Variants in NTM observed in about 807,000 individuals in gnomAD.
NTM encodes neurotrimin.
A neutral mutation model predicts 42.1 loss-of-function variants in NTM; 13 were observed. That is an observed-to-expected ratio of 0.31 (90% CI 0.20 to 0.49). NTM has a LOEUF of 0.49. Among genes scored for constraint, NTM ranks in the 20% least tolerant of loss-of-function variants. The pLI is 0.99. For missense variants in NTM, 373 were observed against 452.8 expected (o/e 0.82, Z 1.60); for synonymous variants, 187 against 179.2 (o/e 1.04, Z -0.35).
intron 1 of NTM, among the ~76,000 whole-genome samples, chr11:131,418,565 G>A (rs1947179769): frequency 6.6e-6 from 1 of 152,210 alleles, no homozygotes; most frequent in African/African-American, 2.4e-5. Context: ...AGAGCAAGTG[G>A]TGGAGGCCGG....
In NTM at chr11:131,604,660, A is replaced by T. The variant is rs559062976; in HGVS notation, c.82+233772A>T. ...TCTAAAAGGTTTTTTTTTTTTTTTT[A>T]AATTTAGCTATTATGTCAAGGTCCA... On this transcript the variant is annotated intron_variant, in intron 1 of 8. Transcript: ENST00000683400. 1.5e-3 allele frequency among the ~76,000 whole-genome samples: 203 copies of T among 137,302 alleles called. 1 individual carries two copies. Among genetic ancestry groups the T allele is most frequent in the African/African-American group, 5.5e-3 (192 of 34,626 alleles). 90.1% of individuals were successfully genotyped at this position (137,302 alleles called of 152,430 possible).
intron 2 of NTM, among the ~76,000 whole-genome samples, chr11:132,102,007 AAGGT>A (rs890437758): frequency 6.6e-6 from 1 of 152,160 alleles, no homozygotes; most frequent in African/African-American, 2.4e-5. Context: ...ACACTGCTGG[AAGGT>A]AGAATTGCAA....
At chr11:131,944,277 T>C (rs1284288410) in intron 2 of NTM, among the ~76,000 whole-genome samples, 1 of 152,240 alleles carries the variant, frequency 6.6e-6, no homozygotes, top group Non-Finnish European at 1.5e-5. Context: ...AGTTATGTGC[T>C]GGGCTTTATT....
intron 1 of NTM, among the ~76,000 whole-genome samples, chr11:131,636,839 A>G (rs2064461370): frequency 1.3e-5 from 2 of 152,188 alleles, no homozygotes; most frequent in African/African-American, 4.8e-5. Flanking sequence ...GGCGAACACC[A>G]TGGGCACTAA....
intron 2 of NTM, among the ~76,000 whole-genome samples, chr11:132,043,895 G>T (rs985098310): frequency 1.3e-5 from 2 of 151,972 alleles, no homozygotes; most frequent in African/African-American, 4.8e-5. Flanking sequence ...GTTAAAGAAG[G>T]CCCAATCTTG....
intron 4 of NTM, among the ~76,000 whole-genome samples, chr11:132,264,698 A>G (rs563733791): frequency 6.6e-6 from 1 of 152,350 alleles, no homozygotes; most frequent in Admixed American, 6.5e-5. Flanking sequence ...GGCATATCAC[A>G]TGTGAAGACA....
At chr11:132,035,581 A>C (rs1410977069) in intron 2 of NTM, among the ~76,000 whole-genome samples, 1 of 152,218 alleles carries the variant, frequency 6.6e-6, no homozygotes, top group East Asian at 1.9e-4. Flanking sequence ...AAAGGTCTGC[A>C]GATTAAATGT....
At chr11:131,561,621 A>G (rs953381962) in intron 1 of NTM, among the ~76,000 whole-genome samples, 1 of 152,126 alleles carries the variant, frequency 6.6e-6, no homozygotes, top group Admixed American at 6.5e-5. Flanking sequence ...GAACTGGTCT[A>G]TTTTCATTCC....
intron 1 of NTM, among the ~76,000 whole-genome samples, chr11:131,705,355 G>A (rs1464792317): frequency 1.3e-5 from 2 of 152,094 alleles, no homozygotes; most frequent in East Asian, 3.9e-4. Context: ...ACACTGTCAA[G>A]CAAGAATACT....
chr11:131,810,870 C>T (rs2092704561), intron 1 of NTM, among the ~76,000 whole-genome samples: 1 of 152,170 alleles, frequency 6.6e-6, no homozygotes, highest in Non-Finnish European at 1.5e-5. Context: ...GCATGGGCAT[C>T]ATCTAGTCTA....
At chr11:132,328,480 T>G (rs2095731677) in intron 7 of NTM, among the ~76,000 whole-genome samples, 1 of 151,010 alleles carries the variant, frequency 6.6e-6, no homozygotes, top group South Asian at 2.1e-4. Flanking sequence ...AAGCTGAGGT[T>G]TTTTTGGGGG....
chr11:131,725,968 T>A (rs1384133562), intron 1 of NTM, among the ~76,000 whole-genome samples: 1 of 152,142 alleles, frequency 6.6e-6, no homozygotes, highest in Non-Finnish European at 1.5e-5. Flanking sequence ...TGGGGATGAT[T>A]CTGCTACCAG....
intron 3 of NTM, among the ~76,000 whole-genome samples, chr11:132,202,895 A>G (rs1242854335): frequency 5.9e-5 from 9 of 152,182 alleles, no homozygotes; most frequent in Non-Finnish European, 1.2e-4. Context: ...TCTAGCCAAC[A>G]TGAATGGTTT....
intron 3 of NTM, among the ~76,000 whole-genome samples, chr11:132,168,245 C>T (rs1488982024): frequency 6.6e-6 from 1 of 152,188 alleles, no homozygotes; most frequent in African/African-American, 2.4e-5. Flanking sequence ...CTCAGAAATA[C>T]ATCTAAAGAG....
chr11:132,033,424 A>G (rs183108491), intron 2 of NTM, among the ~76,000 whole-genome samples: 30 of 152,324 alleles, frequency 2.0e-4, no homozygotes, highest in Admixed American at 2.0e-3. Context: ...ATAAATTCCA[A>G]TGCAAAGTAG....
intron 1 of NTM, among the ~76,000 whole-genome samples, chr11:131,783,302 T>C (rs758323497): frequency 1.3e-5 from 2 of 152,100 alleles, no homozygotes; most frequent in African/African-American, 2.4e-5. Context: ...CTACAAAACA[T>C]TGCTGAGGAA....
chr11:132,044,048 GTA>G (rs1298640707), intron 2 of NTM, among the ~76,000 whole-genome samples: 2 of 142,786 alleles, frequency 1.4e-5, no homozygotes, highest in Admixed American at 7.2e-5. Context: ...ATGTGTATGG[GTA>G]TGTGTGTATG....
intron 2 of NTM, among the ~76,000 whole-genome samples, chr11:131,921,071 C>T (rs996262268): frequency 6.6e-6 from 1 of 152,096 alleles, no homozygotes; most frequent in Admixed American, 6.5e-5. Flanking sequence ...TAATTTAGTG[C>T]AGTTTTTATA....
chr11:131,448,631 T>G (rs1380328621), intron 1 of NTM, among the ~76,000 whole-genome samples: 1 of 152,156 alleles, frequency 6.6e-6, no homozygotes, highest in Non-Finnish European at 1.5e-5. Flanking sequence ...GCAGAGCACA[T>G]GGAAGGAAGA....
Sources: allele counts gnomAD v4.1 joint callset (sites outside exome capture counted in the v4.1 genomes callset), GRCh38; gene constraint gnomAD v4.1.1; transcripts MANE v1.5; gene names NCBI Gene and HGNC (gene_info 2026-07-23, HGNC 2026-07-21).